Variants in NFASC observed in about 807,000 individuals in gnomAD.
NFASC encodes the protein neurofascin homolog.
A neutral mutation model predicts 147.5 loss-of-function variants in NFASC; 43 were observed. The ratio of observed to expected loss-of-function variants is 0.29; its 90% CI spans 0.23 to 0.38. The LOEUF is 0.38. NFASC is among the 10% of genes least tolerant of loss of function. The pLI, the probability that NFASC is intolerant of heterozygous loss-of-function variation, is 1.00. For missense variants in NFASC, 1,320 were observed against 1,689.0 expected, an observed-to-expected ratio of 0.78 and a Z score of 3.83; for synonymous variants, 622 against 665.5, an observed-to-expected ratio of 0.93 and a Z score of 1.01.
chr1:204,954,883 C>G lies in NFASC; in HGVS notation c.467C>G (p.Ala156Gly). 1 of 1,614,214 alleles carries G rather than the reference C, an allele frequency of 6.2e-7. No homozygotes were observed. Among genetic ancestry groups the G allele is most frequent in the Non-Finnish European group, 8.5e-7 (1 of 1,180,032 alleles). ...NLDPVVVQEG[A>G]PLTLQCNPPP... ...GACCCTGTCGTGGTCCAAGAGGGCG[C>G]TCCTTTGACGCTCCAGTGCAACCCC... Residue 156 changes from alanine (A) to glycine (G), a missense_variant, in exon 7 of 30, where the codon GCT becomes GGT. Physicochemically the swap from Ala to Gly is moderately conservative, Grantham distance 60. Coordinates refer to ENST00000339876, the MANE Select transcript of NFASC (RefSeq NM_001005388.3). This position sits in a 1 kb window ranked among gnomAD's most constrained non-coding sequence, Gnocchi z 5.7.
At chr1:204,973,836 A>T (rs1374884909) in intron 12 of NFASC, among the ~76,000 whole-genome samples, 1 of 152,092 alleles carries the variant, frequency 6.6e-6, no homozygotes, top group Non-Finnish European at 1.5e-5. Flanking sequence ...GGTTCTGAGT[A>T]TATTTGCTGT....
intron 27 of NFASC, 110 bp from the exon 28 acceptor site, chr1:205,009,447 C>A: frequency 8.3e-7 from 1 of 1,204,012 alleles, no homozygotes; most frequent in Non-Finnish European, 1.2e-6. Flanking sequence ...TAGTGTTAGG[C>A]TCCAGGAGAA....
At chr1:204,858,682 C>T (rs558190654) in intron 1 of NFASC, among the ~76,000 whole-genome samples, 1 of 152,240 alleles carries the variant, frequency 6.6e-6, no homozygotes, top group South Asian at 2.1e-4. Flanking sequence ...TTTCTCTTGC[C>T]GCTTCCCTTC....
In NFASC at chr1:204,968,277, C is replaced by T. The variant is rs766938510; in HGVS notation, c.735C>T (p.Ser245=). Residue 245 remains serine, a synonymous_variant, in exon 9 of 30, where the codon AGC becomes AGT. Coordinates refer to ENST00000339876, the MANE Select transcript of NFASC (RefSeq NM_001005388.3). This position sits in a 1 kb window ranked among gnomAD's most constrained non-coding sequence, Gnocchi z 5.4. ...TTRGVAERTP[S]FMYPQGTASS... The stretch of plus-strand genomic sequence containing the variant: ...GAGGAGTTGCAGAAAGAACACCAAG[C>T]TTCATGTATCCCCAGGGCACCGCGA... 1 of 1,614,158 alleles carries T rather than the reference C, an allele frequency of 6.2e-7. No homozygotes were observed.
At chr1:204,923,771 C>T (rs1285444717) in intron 2 of NFASC, among the ~76,000 whole-genome samples, 2 of 152,174 alleles carry the variant, frequency 1.3e-5, no homozygotes, top group Non-Finnish European at 2.9e-5. Flanking sequence ...CCTGTGGGCA[C>T]CGAGACCTGT....
At chr1:204,900,971 C>A (rs949013891) in intron 1 of NFASC, among the ~76,000 whole-genome samples, 3 of 152,064 alleles carry the variant, frequency 2.0e-5, no homozygotes, top group African/African-American at 7.2e-5. Flanking sequence ...GTCACTGCAT[C>A]TGGCCCAGAT....
At chr1:204,888,762 G>A (rs1023723615) in intron 1 of NFASC, among the ~76,000 whole-genome samples, 17 of 152,232 alleles carry the variant, frequency 1.1e-4, no homozygotes, top group Non-Finnish European at 1.5e-4. Flanking sequence ...AAATGAATGA[G>A]TATGACAAGA....
chr1:204,979,607 A>G lies in NFASC; in HGVS notation c.2176+48A>G, dbSNP rs6667633. The stretch of plus-strand genomic sequence containing the variant: ...AGAAGGCTCCGGAACCCCGCACCCC[A>G]AACTCACACTGAGATCCCCCCATTC... On this transcript the variant is annotated intron_variant, in intron 19 of 29. Transcript: ENST00000339876. This position sits in a 1 kb window ranked among gnomAD's most constrained non-coding sequence, Gnocchi z 6.0. 108,678 of 1,538,620 alleles carry G rather than the reference A, an allele frequency of 0.071. 4,890 individuals carry two copies. Among genetic ancestry groups the G allele is most frequent in the African/African-American group, 0.21 (15,406 of 73,508 alleles).
intron 2 of NFASC, among the ~76,000 whole-genome samples, chr1:204,928,774 G>A (rs746717072): frequency 1.4e-4 from 22 of 152,198 alleles, no homozygotes; most frequent in Non-Finnish European, 1.6e-4. Context: ...GTGGCAGTGA[G>A]ATGCAGGCAC....
intron 25 of NFASC, 114 bp downstream of exon 25, chr1:204,997,520 AC>A: frequency 8.5e-7 from 1 of 1,170,876 alleles, no homozygotes; most frequent in Non-Finnish European, 1.2e-6. Flanking sequence ...GGTGTTTGCC[AC>A]CACCTCCCTT....
chr1:204,903,854 A>G (rs916028604), intron 1 of NFASC, among the ~76,000 whole-genome samples: 7 of 152,152 alleles, frequency 4.6e-5, no homozygotes, highest in African/African-American at 1.7e-4. Context: ...CACAAGGGGA[A>G]CTTTTTAAAG....
intron 1 of NFASC, among the ~76,000 whole-genome samples, chr1:204,858,655 C>T: frequency 6.6e-6 from 1 of 152,164 alleles, no homozygotes; most frequent in Admixed American, 6.5e-5. Context: ...CTCCGCTCCC[C>T]CTCCTGCCTT....
At chr1:204,966,296 G>A (rs764011280) in intron 8 of NFASC, among the ~76,000 whole-genome samples, 88 of 152,160 alleles carry the variant, frequency 5.8e-4, no homozygotes, top group African/African-American at 2.0e-3. Flanking sequence ...TGGTGGTGTC[G>A]CGCGTTATGG....
chr1:204,927,796 A>G (rs893907532), intron 2 of NFASC, among the ~76,000 whole-genome samples: 4 of 152,070 alleles, frequency 2.6e-5, no homozygotes, highest in Admixed American at 2.6e-4. Context: ...CGCCTTCTCC[A>G]CCCACTTGGA....
At chr1:205,006,236 T>C (rs2096108047) in intron 27 of NFASC, among the ~76,000 whole-genome samples, 1 of 152,190 alleles carries the variant, frequency 6.6e-6, no homozygotes, top group Non-Finnish European at 1.5e-5. Context: ...AATTCACCCA[T>C]TAATCAATAA....
chr1:204,969,286 C>CT (rs1235783220), intron 10 of NFASC, among the ~76,000 whole-genome samples: 2 of 152,208 alleles, frequency 1.3e-5, no homozygotes, highest in African/African-American at 2.4e-5. Flanking sequence ...TTCCCAGAGC[C>CT]TTTTTTTCCT....
intron 1 of NFASC, among the ~76,000 whole-genome samples, chr1:204,910,120 T>G (rs1012103113): frequency 6.6e-6 from 1 of 152,020 alleles, no homozygotes; most frequent in African/African-American, 2.4e-5. Flanking sequence ...TGTTAAAAAT[T>G]TTGTTGGGAT....
intron 3 of NFASC, chr1:204,947,072 T>C (rs1195835230): frequency 9.2e-6 from 3 of 326,380 alleles, no homozygotes; most frequent in Non-Finnish European, 1.2e-5. Context: ...CAAGATCCAC[T>C]ACCAAAAGAA....
chr1:204,865,909 G>A (rs1245255155), intron 1 of NFASC, among the ~76,000 whole-genome samples: 1 of 152,194 alleles, frequency 6.6e-6, no homozygotes, highest in East Asian at 1.9e-4. Flanking sequence ...CAAAGTGATT[G>A]TGCCAATTTA....
Sources: gnomAD v4.1 joint callset for allele counts (sites outside exome capture counted in the v4.1 genomes callset) on GRCh38, gnomAD v4.1.1 for gene constraint, Gnocchi (gnomAD v3.1) non-coding constraint, MANE v1.5 for transcripts, NCBI Gene and HGNC (gene_info 2026-07-23, HGNC 2026-07-21) for gene names.